CACNA2D3: variants seen among roughly 807,000 people sequenced by gnomAD.
CACNA2D3 encodes calcium voltage-gated channel auxiliary subunit alpha2delta 3.
CACNA2D3 carries 60 observed loss-of-function variants against 160.6 expected under a neutral mutation model. That is an observed-to-expected ratio of 0.37 (90% CI 0.30 to 0.46). The LOEUF (loss-of-function observed/expected upper bound fraction) is 0.46, where lower values mean the gene tolerates loss of function less well. CACNA2D3 is among the 20% of genes least tolerant of loss of function. The pLI is 1.00. For missense variants in CACNA2D3, 1,205 were observed against 1,365.0 expected (o/e 0.88, Z 1.85); for synonymous variants, 558 against 492.9 (o/e 1.13, Z -1.75).
intron 11 of CACNA2D3, among the ~76,000 whole-genome samples, chr3:54,668,741 C>A (rs143951923): frequency 1.2e-3 from 178 of 152,370 alleles, no homozygotes; most frequent in African/African-American, 4.1e-3. Flanking sequence ...GGGAACCAGT[C>A]AATTCTGTGG....
intron 3 of CACNA2D3, among the ~76,000 whole-genome samples, chr3:54,366,434 C>T (rs1698829046): frequency 6.6e-6 from 1 of 152,078 alleles, no homozygotes; most frequent in Non-Finnish European, 1.5e-5. Flanking sequence ...AATTAATATC[C>T]CCAGGGCTAG....
intron 11 of CACNA2D3, among the ~76,000 whole-genome samples, chr3:54,652,305 G>T (rs73842226): frequency 6.6e-6 from 1 of 152,170 alleles, no homozygotes; most frequent in South Asian, 2.1e-4. Context: ...TTGAGGGCCC[G>T]CTGTGTCTCG....
At chr3:54,574,633 C>G (rs1032969347) in intron 8 of CACNA2D3, among the ~76,000 whole-genome samples, 1 of 152,136 alleles carries the variant, frequency 6.6e-6, no homozygotes, top group Non-Finnish European at 1.5e-5. Context: ...ATGTCTCTGA[C>G]AAGAGAAAAG....
At position 54,896,755 on chromosome 3, in the gene CACNA2D3, C is replaced by T; in HGVS notation, c.2253C>T (p.Phe751=). 6.2e-7 allele frequency: 1 copy of T among 1,614,010 alleles called. No homozygotes were observed. The highest frequency in any genetic ancestry group is 8.5e-7 in the Non-Finnish European group (1 of 1,179,874). The stretch of plus-strand genomic sequence containing the variant: ...GATTCTTTTCCACTTCAAGGGACTT[C>T]CTGAAAGCTGGCGACAAGGAGAACA... ...VGAEQLTNQD[F]LKAGDKENIF... Residue 751 remains phenylalanine, a synonymous_variant, in exon 26 of 38, where the codon TTC becomes TTT. Coordinates refer to ENST00000474759, the MANE Select transcript of CACNA2D3 (RefSeq NM_018398.3).
intron 3 of CACNA2D3, among the ~76,000 whole-genome samples, chr3:54,384,230 C>T (rs973629199): frequency 3.3e-5 from 5 of 151,886 alleles, no homozygotes; most frequent in African/African-American, 9.7e-5. Flanking sequence ...ATTCTCAGTG[C>T]GTAGACACCA....
intron 27 of CACNA2D3, chr3:54,918,542 G>A: frequency 1.2e-6 from 2 of 1,613,938 alleles, no homozygotes; most frequent in African/African-American, 2.7e-5. Context: ...CCATGGTACT[G>A]GGCTGTGATT....
At chr3:54,793,938 A>G (rs1186806724) in intron 13 of CACNA2D3, among the ~76,000 whole-genome samples, 1 of 152,130 alleles carries the variant, frequency 6.6e-6, no homozygotes, top group South Asian at 2.1e-4. Context: ...TTATTTCTTA[A>G]TATCAATTTT....
intron 2 of CACNA2D3, among the ~76,000 whole-genome samples, chr3:54,198,170 G>A (rs1382203959): frequency 1.3e-5 from 2 of 152,188 alleles, no homozygotes; most frequent in Non-Finnish European, 2.9e-5. Flanking sequence ...GCAAACCACT[G>A]TCTTTGTGTG....
chr3:54,254,117 A>T (rs1702249650), intron 2 of CACNA2D3, among the ~76,000 whole-genome samples: 1 of 152,168 alleles, frequency 6.6e-6, no homozygotes, highest in South Asian at 2.1e-4. Context: ...GGATGGGCTC[A>T]AAAATATGTA....
chr3:54,596,978 G>C (rs896374817), intron 9 of CACNA2D3, among the ~76,000 whole-genome samples: 8 of 152,080 alleles, frequency 5.3e-5, no homozygotes, highest in Non-Finnish European at 1.2e-4. Context: ...CCACAGGCCA[G>C]CATCTCATGG....
intron 2 of CACNA2D3, among the ~76,000 whole-genome samples, chr3:54,243,375 A>G (rs1356738348): frequency 6.6e-6 from 1 of 152,160 alleles, no homozygotes; most frequent in East Asian, 1.9e-4. Flanking sequence ...ATGTTTCCAA[A>G]TTATTTTCAG....
chr3:54,975,338 G>C (rs1000715525), intron 29 of CACNA2D3, among the ~76,000 whole-genome samples: 1 of 152,080 alleles, frequency 6.6e-6, no homozygotes, highest in African/African-American at 2.4e-5. Context: ...GGCCAACATG[G>C]TGAAATCCCG....
chr3:54,386,493 A>G (rs1021304234), intron 3 of CACNA2D3, among the ~76,000 whole-genome samples: 1 of 152,230 alleles, frequency 6.6e-6, no homozygotes, highest in Non-Finnish European at 1.5e-5. Context: ...AAATGTGTAC[A>G]TAACAATAAA....
chr3:54,773,125 C>G (rs768256471), intron 13 of CACNA2D3, among the ~76,000 whole-genome samples: 1 of 152,214 alleles, frequency 6.6e-6, no homozygotes, highest in African/African-American at 2.4e-5. Context: ...GCAAATTGGA[C>G]CTGTATCCCT....
At chr3:54,610,156 C>T (rs1301154851) in intron 9 of CACNA2D3, among the ~76,000 whole-genome samples, 1 of 152,126 alleles carries the variant, frequency 6.6e-6, no homozygotes, top group African/African-American at 2.4e-5. Context: ...GGGGCCCATC[C>T]CAGTGACCTC....
Position 54,984,607 on chromosome 3 carries a change from G to T in CACNA2D3, c.2557-1G>T. 1.3e-6 allele frequency: 2 copies of T among 1,514,950 alleles called. No individual in the cohort carries two copies. The highest frequency in any genetic ancestry group is 1.4e-5 in the African/African-American group (1 of 71,238). The allele number at this position is 1,514,950 out of a possible 1,614,324, so 93.8% of individuals were successfully genotyped here. The stretch of plus-strand genomic sequence containing the variant: ...TTTTTGTTTTTTTTTTAATTTTCTA[G>T]ACTGTGAATTGTTACCTCATAGACA... On this transcript the variant is annotated splice_acceptor_variant, in intron 29 of 37. Transcript: ENST00000474759. LOFTEE classifies it high-confidence loss of function.
At chr3:54,189,174 A>G (rs1700936113) in intron 2 of CACNA2D3, among the ~76,000 whole-genome samples, 1 of 152,218 alleles carries the variant, frequency 6.6e-6, no homozygotes, top group African/African-American at 2.4e-5. Context: ...CTACTTGGCC[A>G]GGGTATTGAC....
At chr3:54,156,518 G>C (rs1700248078) in intron 2 of CACNA2D3, among the ~76,000 whole-genome samples, 1 of 152,178 alleles carries the variant, frequency 6.6e-6, no homozygotes, top group South Asian at 2.1e-4. Context: ...CAGTCTTTTT[G>C]AGTCCCTGGG....
At chr3:54,796,823 T>C (rs956247140) in intron 13 of CACNA2D3, among the ~76,000 whole-genome samples, 1 of 152,144 alleles carries the variant, frequency 6.6e-6, no homozygotes, top group South Asian at 2.1e-4. Context: ...ACGTTTTTCA[T>C]AGGAGTAAGG....
Sources: allele counts gnomAD v4.1 joint callset (sites outside exome capture counted in the v4.1 genomes callset), GRCh38; gene constraint gnomAD v4.1.1; transcripts MANE v1.5; gene names NCBI Gene and HGNC (gene_info 2026-07-23, HGNC 2026-07-21).